PACS1: variants seen among roughly 807,000 people sequenced by gnomAD.
The protein encoded by PACS1 is phosphofurin acidic cluster sorting protein 1, also known as PACS-1.
In PACS1, 24 loss-of-function variants were observed where a neutral mutation model predicts 115.0. The observed-to-expected ratio is 0.21, with a 90% CI of 0.15 to 0.29. The LOEUF (loss-of-function observed/expected upper bound fraction) is 0.29, where lower values mean the gene tolerates loss of function less well. Among genes scored for constraint, PACS1 ranks in the 10% least tolerant of loss-of-function variants. The pLI is 1.00. For missense variants in PACS1, 838 were observed against 1,251.2 expected (o/e 0.67, Z 4.98); for synonymous variants, 453 against 504.5 (o/e 0.90, Z 1.37).
intron 23 of PACS1, 63 bp downstream of exon 23, chr11:66,243,094 G>A (rs1264501181): frequency 6.2e-7 from 1 of 1,612,440 alleles, no homozygotes; most frequent in Non-Finnish European, 8.5e-7. Flanking sequence ...GGCAGGCAAT[G>A]GCCTTTCCCA....
At chr11:66,133,436 T>C (rs1322482337) in intron 1 of PACS1, among the ~76,000 whole-genome samples, 1 of 152,188 alleles carries the variant, frequency 6.6e-6, no homozygotes, top group Admixed American at 6.5e-5. Context: ...GGGCAAAGGA[T>C]CTTGCCAACC....
At chr11:66,113,357 C>G (rs1354120207) in intron 1 of PACS1, among the ~76,000 whole-genome samples, 1 of 152,152 alleles carries the variant, frequency 6.6e-6, no homozygotes, top group East Asian at 1.9e-4. Flanking sequence ...TGAATCAGTT[C>G]CAACATCCTT....
At chr11:66,240,303 G>T (rs1278558361) in intron 21 of PACS1, among the ~76,000 whole-genome samples, 1 of 152,104 alleles carries the variant, frequency 6.6e-6, no homozygotes, top group Non-Finnish European at 1.5e-5. Flanking sequence ...AGCAGCAGGG[G>T]GCAGAGAGAG....
intron 2 of PACS1, among the ~76,000 whole-genome samples, chr11:66,195,871 C>T (rs894844861): frequency 2.6e-5 from 4 of 152,216 alleles, no homozygotes; most frequent in African/African-American, 9.6e-5. Flanking sequence ...ACCCTGAGGT[C>T]TCTAAGACAC....
chr11:66,233,406 T>C lies in PACS1; in HGVS notation c.1838+340T>C, dbSNP rs1222325782. Among the ~76,000 whole-genome samples the C allele has an allele frequency of 1.3e-5, 2 of 152,226 alleles. No homozygotes were observed. Among genetic ancestry groups the C allele is most frequent in the South Asian group, 2.1e-4 (1 of 4,834 alleles). Reference sequence around the variant, plus strand: ...ATTCCTTCCATCTGCAACATGCTGCTAGACACTCAGGAGTCAGTGCTTCCC... The same window carrying C: ...ATTCCTTCCATCTGCAACATGCTGCCAGACACTCAGGAGTCAGTGCTTCCC... On this transcript the variant is annotated intron_variant, in intron 15 of 23. Transcript: ENST00000320580. This position sits in a 1 kb window ranked among gnomAD's most constrained non-coding sequence, Gnocchi z 4.5.
intron 1 of PACS1, among the ~76,000 whole-genome samples, chr11:66,096,031 T>C (rs546220263): frequency 6.6e-6 from 1 of 151,988 alleles, no homozygotes; most frequent in East Asian, 1.9e-4. Context: ...ACCTCCCAGG[T>C]TGAAGGAATT....
chr11:66,174,308 C>T (rs1859803429), intron 1 of PACS1, among the ~76,000 whole-genome samples: 1 of 152,126 alleles, frequency 6.6e-6, no homozygotes, highest in South Asian at 2.1e-4. Context: ...CAAGAACCCT[C>T]ATACATTGCT....
intron 1 of PACS1, among the ~76,000 whole-genome samples, chr11:66,075,959 G>A (rs765760054): frequency 2.2e-4 from 33 of 152,020 alleles, no homozygotes; most frequent in Non-Finnish European, 3.2e-4. Context: ...GGATGCTCTC[G>A]ATCTCCTGAC....
chr11:66,076,344 A>T (rs1416776047), intron 1 of PACS1, among the ~76,000 whole-genome samples: 1 of 151,964 alleles, frequency 6.6e-6, no homozygotes, highest in Non-Finnish European at 1.5e-5. Flanking sequence ...GCCTCAGAAA[A>T]TGTTAGAGCT....
At position 66,080,687 on chromosome 11, in the gene PACS1, T is replaced by C. The variant is rs1857463384; in HGVS notation, c.356+9845T>C. Among the ~76,000 whole-genome samples the C allele has an allele frequency of 2.0e-5, 3 of 152,298 alleles. No homozygotes were observed. In the South Asian group the frequency reaches 6.2e-4, roughly 32 times the overall value. Reference sequence around the variant, plus strand: ...CCAGACACCAGAGCCGTTTCTGTGTTTAAACTTGGTCCCCCAAGCCCTGTC... The same window carrying C: ...CCAGACACCAGAGCCGTTTCTGTGTCTAAACTTGGTCCCCCAAGCCCTGTC... On this transcript the variant is annotated intron_variant, in intron 1 of 23. Transcript: ENST00000320580.
At chr11:66,079,523 T>A (rs1440881331) in intron 1 of PACS1, among the ~76,000 whole-genome samples, 3 of 152,106 alleles carry the variant, frequency 2.0e-5, no homozygotes, top group Non-Finnish European at 2.9e-5. Flanking sequence ...CTCAAACACA[T>A]TGCATTGTAA....
intron 13 of PACS1, chr11:66,231,946 T>A: frequency 2.2e-6 from 1 of 461,164 alleles, no homozygotes; most frequent in Non-Finnish European, 3.9e-6. Flanking sequence ...CGCTGTGGCT[T>A]TGTTCCTCAT....
chr11:66,072,005 C>T (rs976189565), intron 1 of PACS1, among the ~76,000 whole-genome samples: 1 of 152,218 alleles, frequency 6.6e-6, no homozygotes, highest in South Asian at 2.1e-4. Context: ...TGTCTCCCCT[C>T]TTCCTTCTAC....
intron 1 of PACS1, among the ~76,000 whole-genome samples, chr11:66,080,080 T>C (rs546754465): frequency 2.0e-5 from 3 of 152,350 alleles, no homozygotes; most frequent in African/African-American, 7.2e-5. Flanking sequence ...TTACTGGAAA[T>C]AATCTTGTTC....
chr11:66,219,505 G>T (rs565016395), intron 7 of PACS1: 3 of 651,910 alleles, frequency 4.6e-6, no homozygotes, highest in East Asian at 3.0e-5. Flanking sequence ...GGGCACAGGG[G>T]GGTGGAGGAC....
At chr11:66,072,693 G>A (rs1291989797) in intron 1 of PACS1, among the ~76,000 whole-genome samples, 2 of 152,158 alleles carry the variant, frequency 1.3e-5, no homozygotes, top group Non-Finnish European at 1.5e-5. Flanking sequence ...CCCATCTATC[G>A]CTGAAGTATC....
chr11:66,198,352 A>G (rs1281754661), intron 2 of PACS1, among the ~76,000 whole-genome samples: 1 of 152,240 alleles, frequency 6.6e-6, no homozygotes, highest in Non-Finnish European at 1.5e-5. Flanking sequence ...AGTAGAAACA[A>G]TCCAAGTCCA....
intron 1 of PACS1, among the ~76,000 whole-genome samples, chr11:66,141,380 A>C (rs1387969400): frequency 6.6e-6 from 1 of 152,024 alleles, no homozygotes; most frequent in Non-Finnish European, 1.5e-5. Context: ...TAGGCCAGGC[A>C]CTGTTGCTTA....
intron 1 of PACS1, among the ~76,000 whole-genome samples, chr11:66,180,140 C>A (rs1425465643): frequency 6.6e-6 from 1 of 151,954 alleles, no homozygotes; most frequent in Non-Finnish European, 1.5e-5. Flanking sequence ...CTGTGCCCAG[C>A]AGATTTTTTA....
Sources: allele counts gnomAD v4.1 joint callset (sites outside exome capture counted in the v4.1 genomes callset), GRCh38; gene constraint gnomAD v4.1.1; non-coding constraint Gnocchi (gnomAD v3.1); transcripts MANE v1.5; gene names NCBI Gene and HGNC (gene_info 2026-07-23, HGNC 2026-07-21).